The following PHACTR1 variants were observed in gnomAD, a reference collection of about 807,000 sequenced individuals.
PHACTR1 encodes the protein phosphatase and actin regulator 1.
Under a neutral mutation model 69.2 loss-of-function variants are expected in PHACTR1, and 16 were observed. The ratio of observed to expected loss-of-function variants is 0.23; its 90% confidence interval spans 0.16 to 0.35. PHACTR1 has a LOEUF of 0.35. Ranked by LOEUF, PHACTR1 falls within the 10% of genes least tolerant of loss-of-function variation. PHACTR1 has a pLI of 1.00. For synonymous variants in PHACTR1, 312 were observed against 284.5 expected (o/e 1.10, Z -0.97); for missense variants, 510 against 734.7 (o/e 0.69, Z 3.54).
At chr6:12,835,267 GGA>G (rs1302936594) in intron 4 of PHACTR1, among the ~76,000 whole-genome samples, 1 of 151,974 alleles carries the variant, frequency 6.6e-6, no homozygotes. Flanking sequence ...AGAAAAATGT[GGA>G]GAGAGGAAAA....
intron 4 of PHACTR1, among the ~76,000 whole-genome samples, chr6:13,005,807 A>T (rs1798714862): frequency 6.6e-6 from 1 of 152,144 alleles, no homozygotes; most frequent in Non-Finnish European, 1.5e-5. Context: ...CACCAGTGAC[A>T]TCCACTTAAA....
intron 4 of PHACTR1, among the ~76,000 whole-genome samples, chr6:12,977,380 T>TCACA (rs67391969): frequency 6.7e-6 from 1 of 149,256 alleles, no homozygotes; most frequent in East Asian, 2.0e-4. Flanking sequence ...TCTCTCTCTT[T>TCACA]CACACACACA....
At chr6:13,025,960 A>G (rs1801643286) in intron 4 of PHACTR1, among the ~76,000 whole-genome samples, 1 of 152,136 alleles carries the variant, frequency 6.6e-6, no homozygotes, top group Admixed American at 6.5e-5. Flanking sequence ...AACATTGTTG[A>G]TGGTTCCAAA....
chr6:13,217,161 T>C (rs1767800795), intron 8 of PHACTR1, among the ~76,000 whole-genome samples: 1 of 152,222 alleles, frequency 6.6e-6, no homozygotes, highest in Admixed American at 6.5e-5. Flanking sequence ...TGTTGACATG[T>C]ACTCCTAGTT....
chr6:13,248,042 A>C (rs1773837062), intron 10 of PHACTR1, among the ~76,000 whole-genome samples: 1 of 152,174 alleles, frequency 6.6e-6, no homozygotes, highest in Non-Finnish European at 1.5e-5. Context: ...CTTTATATTC[A>C]TGGAACTGTG....
chr6:13,221,154 G>A (rs928037676), intron 8 of PHACTR1, among the ~76,000 whole-genome samples: 17 of 152,182 alleles, frequency 1.1e-4, no homozygotes, highest in African/African-American at 4.1e-4. Context: ...GTTCTGGGGC[G>A]GAGCAACTGC....
intron 7 of PHACTR1, among the ~76,000 whole-genome samples, chr6:13,185,189 C>T: frequency 6.6e-6 from 1 of 152,176 alleles, no homozygotes; most frequent in East Asian, 1.9e-4. Context: ...GTTTTTGTGT[C>T]AAGCAGCATT....
At chr6:12,968,186 C>A (rs1163758583) in intron 4 of PHACTR1, among the ~76,000 whole-genome samples, 1 of 152,160 alleles carries the variant, frequency 6.6e-6, no homozygotes, top group Non-Finnish European at 1.5e-5. Context: ...TGCCCGCTTC[C>A]CCCCACATTC....
Position 13,230,164 on chromosome 6 carries a change from G to A in PHACTR1, c.1362G>A (p.Leu454=), listed in dbSNP as rs1770597012. The part of the protein sequence containing the change: ...PRQTDEERLE[L]RQQIGTKLTR... ...AGACGGATGAGGAGCGGCTGGAGCT[G>A]AGGCAACAGATTGGCACCAAGCTCA... Residue 454 remains leucine, a synonymous_variant, in exon 10 of 15, where the codon CTG becomes CTA. Transcript: ENST00000332995. 1.2e-6 allele frequency: 2 copies of A among 1,610,914 alleles called. No individual in the cohort carries two copies. Among genetic ancestry groups the A allele is most frequent in the African/African-American group, 1.3e-5 (1 of 74,876 alleles).
intron 3 of PHACTR1, among the ~76,000 whole-genome samples, chr6:12,728,727 A>G (rs1239812176): frequency 6.6e-6 from 1 of 152,216 alleles, no homozygotes; most frequent in East Asian, 1.9e-4. Flanking sequence ...TAACTCTTTC[A>G]TAATAATCAT....
chr6:12,837,529 C>A (rs1005760696), intron 4 of PHACTR1, among the ~76,000 whole-genome samples: 1 of 152,156 alleles, frequency 6.6e-6, no homozygotes, highest in Non-Finnish European at 1.5e-5. Context: ...TATCTAGCAT[C>A]TTTTCCATTC....
chr6:12,989,577 G>T (rs959369303), intron 4 of PHACTR1, among the ~76,000 whole-genome samples: 2 of 152,168 alleles, frequency 1.3e-5, no homozygotes, highest in Non-Finnish European at 2.9e-5. Flanking sequence ...AATGTTTTCT[G>T]TTGAGGACCA....
chr6:13,154,447 C>G (rs761574390), intron 5 of PHACTR1, among the ~76,000 whole-genome samples: 1 of 152,104 alleles, frequency 6.6e-6, no homozygotes, highest in African/African-American at 2.4e-5. Flanking sequence ...CTTGAGCCAT[C>G]GTGCCCAGCC....
chr6:13,058,832 T>C (rs1277334109), intron 5 of PHACTR1, among the ~76,000 whole-genome samples: 2 of 152,024 alleles, frequency 1.3e-5, no homozygotes, highest in Non-Finnish European at 2.9e-5. Flanking sequence ...GACCAGTGGC[T>C]GGAGAATGGA....
intron 11 of PHACTR1, 171 bp downstream of exon 11, chr6:13,273,086 A>G (rs202054): frequency 0.64 from 622,756 of 978,464 alleles, 200,948 homozygotes; most frequent in Admixed American, 0.7. Context: ...ACCTCCCCAA[A>G]GAGAAGGCAA....
chr6:13,212,670 G>C (rs1483041502), intron 8 of PHACTR1, among the ~76,000 whole-genome samples: 2 of 151,990 alleles, frequency 1.3e-5, no homozygotes, highest in Non-Finnish European at 1.5e-5. Flanking sequence ...CCTCTCTGTT[G>C]CTCCCTCCTC....
intron 5 of PHACTR1, among the ~76,000 whole-genome samples, chr6:13,066,766 TTA>T (rs1808713718): frequency 6.6e-6 from 1 of 152,146 alleles, no homozygotes; most frequent in African/African-American, 2.4e-5. Context: ...CTTTCCCTGT[TTA>T]TGTTGTCTCA....
chr6:13,120,777 A>C (rs1818596481), intron 5 of PHACTR1, among the ~76,000 whole-genome samples: 1 of 152,216 alleles, frequency 6.6e-6, no homozygotes, highest in Admixed American at 6.5e-5. Context: ...CATCATCTGC[A>C]AGGACTCCAT....
At chr6:13,083,762 A>T (rs1337517359) in intron 5 of PHACTR1, among the ~76,000 whole-genome samples, 2 of 152,040 alleles carry the variant, frequency 1.3e-5, no homozygotes, top group Non-Finnish European at 2.9e-5. Flanking sequence ...TTATTGGTGT[A>T]TAAGAATGCT....
Sources: gnomAD v4.1 joint callset for allele counts (sites outside exome capture counted in the v4.1 genomes callset) on GRCh38, gnomAD v4.1.1 for gene constraint, MANE v1.5 for transcripts, NCBI Gene and HGNC (gene_info 2026-07-23, HGNC 2026-07-21) for gene names.